The following PRRC1 variants were observed in gnomAD, a reference collection of about 807,000 sequenced individuals.
PRRC1 encodes proline rich coiled-coil 1.
Under a neutral mutation model 40.7 loss-of-function variants are expected in PRRC1, and 39 were observed. The observed-to-expected ratio is 0.96, with a 90% CI of 0.74 to 1.25. PRRC1 has a LOEUF of 1.25. PRRC1 is among the 50% of genes most tolerant of loss of function. PRRC1 has a pLI of 0.00. For missense variants in PRRC1, 573 were observed against 548.3 expected, an observed-to-expected ratio of 1.05 and a Z score of -0.45; for synonymous variants, 175 against 193.3, an observed-to-expected ratio of 0.91 and a Z score of 0.79.
intron 5 of PRRC1, 23 bp downstream of exon 5, chr5:127,530,419 T>C (rs756307271): frequency 6.4e-7 from 1 of 1,561,972 alleles, no homozygotes; most frequent in South Asian, 1.1e-5. Context: ...GTTAGACCGG[T>C]ATCTGCCATT....
At chr5:127,528,489 G>T (rs1371633958) in intron 4 of PRRC1, among the ~76,000 whole-genome samples, 1 of 151,838 alleles carries the variant, frequency 6.6e-6, no homozygotes, top group Non-Finnish European at 1.5e-5. Context: ...TAATTTTTTT[G>T]TATTTTTAGT....
rs1350505896 is a variant in PRRC1 at position 127,554,251 on chromosome 5, T to C, written c.*2335T>C. 1 of 164,516 alleles carries C rather than the reference T, an allele frequency of 6.1e-6. No homozygotes were observed. Among genetic ancestry groups the C allele is most frequent in the African/African-American group, 2.4e-5 (1 of 41,714 alleles). 10.2% of individuals were successfully genotyped at this position (164,516 alleles called of 1,614,324 possible). Reference sequence around the variant, plus strand: ...AGTGTTCTGTTCTCTTCCTGCCCATTTCCTTGAACCTCCTGCTCTAGCCTT... The same window carrying C: ...AGTGTTCTGTTCTCTTCCTGCCCATCTCCTTGAACCTCCTGCTCTAGCCTT... On this transcript the variant is annotated 3_prime_UTR_variant, in exon 9 of 9. Coordinates refer to ENST00000296666, the MANE Select transcript of PRRC1 (RefSeq NM_130809.5).
Position 127,555,016 on chromosome 5 carries a change from A to T in PRRC1, c.*3100A>T, listed in dbSNP as rs1580960312. ...TCATTTTATGATATTACGCAGGATG[A>T]TGTATTGAGTAAAATCAGTTTTGTA... On this transcript the variant is annotated 3_prime_UTR_variant, in exon 9 of 9. Transcript: ENST00000296666. 6.6e-6 allele frequency: 1 copy of T among 152,620 alleles called. No individual in the cohort carries two copies. Among genetic ancestry groups the T allele is most frequent in the African/African-American group, 2.4e-5 (1 of 41,458 alleles). The allele number at this position is 152,620 out of a possible 1,614,324, so 9.5% of individuals were successfully genotyped here. A position where few individuals can be genotyped will look rare whatever the true frequency, so the allele number is the denominator to read the frequency against.
chr5:127,548,231 T>G, intron 8 of PRRC1: 1 of 508,618 alleles, frequency 2.0e-6, no homozygotes, highest in Non-Finnish European at 3.5e-6. Flanking sequence ...TTGTTTTATG[T>G]CCGCCTTTCG....
chr5:127,534,140 TTAAAAATA>T (rs1177599044), intron 6 of PRRC1, among the ~76,000 whole-genome samples: 2 of 152,202 alleles, frequency 1.3e-5, no homozygotes, highest in Non-Finnish European at 2.9e-5. Flanking sequence ...TTGATAATGC[TTAAAAATA>T]TGTAAGTTCC....
At chr5:127,541,004 T>C (rs1768028819) in intron 7 of PRRC1, among the ~76,000 whole-genome samples, 2 of 152,142 alleles carry the variant, frequency 1.3e-5, no homozygotes, top group African/African-American at 4.8e-5. Context: ...ATATTGGCTG[T>C]GGGTTTGTCA....
Position 127,539,157 on chromosome 5 carries a change from G to C in PRRC1, c.1025+14G>C. On this transcript the variant is annotated intron_variant, in intron 7 of 8. Transcript: ENST00000296666. ...GCTGCCTGACAAGTAAGTGTATTAT[G>C]TTTCTCTTGGAAGCAAAATATAATT... 1.9e-6 allele frequency: 3 copies of C among 1,596,190 alleles called. No individual in the cohort carries two copies. The highest frequency in any genetic ancestry group is 2.6e-6 in the Non-Finnish European group (3 of 1,164,338).
chr5:127,546,733 A>G (rs902606236), intron 7 of PRRC1, among the ~76,000 whole-genome samples: 1 of 152,202 alleles, frequency 6.6e-6, no homozygotes, highest in African/African-American at 2.4e-5. Flanking sequence ...GTTATTCACC[A>G]TAGAGATTAT....
At chr5:127,530,577 T>A (rs1436964403) in intron 5 of PRRC1, among the ~76,000 whole-genome samples, 181 bp downstream of exon 5, 3 of 152,178 alleles carry the variant, frequency 2.0e-5, no homozygotes, top group African/African-American at 4.8e-5. Context: ...TCATCTTTTT[T>A]AAAAGTCATT....
intron 4 of PRRC1, among the ~76,000 whole-genome samples, chr5:127,527,090 T>C (rs60137966): frequency 0.02 from 3,051 of 152,344 alleles, 101 homozygotes; most frequent in African/African-American, 0.07. Flanking sequence ...TGGTTTCTCT[T>C]ATGGCTGCTT....
At chr5:127,551,628 C>A (rs1768384650) in intron 8 of PRRC1, 79 bp from the exon 9 acceptor site, 3 of 1,409,772 alleles carry the variant, frequency 2.1e-6, no homozygotes, top group African/African-American at 1.4e-5. Context: ...ACATGAAACA[C>A]TTTGAAATGT....
Position 127,552,102 on chromosome 5 carries a change from C to A in PRRC1, c.*186C>A. On this transcript the variant is annotated 3_prime_UTR_variant, in exon 9 of 9. Transcript: ENST00000296666. ...TTCCAGGAGACAAAAAGAAACAAAT[C>A]CTTTTTATAGTCATACCATTTCACC... is the stretch of plus-strand genomic sequence containing the variant. 7.1e-7 allele frequency: 1 copy of A among 1,411,924 alleles called. No individual in the cohort carries two copies. The highest frequency in any genetic ancestry group is 9.2e-7 in the Non-Finnish European group (1 of 1,085,914). 87.5% of individuals were successfully genotyped at this position (1,411,924 alleles called of 1,614,324 possible). A position where few individuals can be genotyped will look rare whatever the true frequency, so the allele number is the denominator to read the frequency against.
chr5:127,551,747 C>T lies in PRRC1; in HGVS notation c.1169C>T (p.Ser390Leu). The change falls in exon 9 of 9, where the codon TCA (serine) becomes TTA (leucine). Residue 390 changes from serine (S) to leucine (L), a missense_variant. Ser to Leu is a moderately radical substitution (Grantham distance 145). Coordinates refer to ENST00000296666, the MANE Select transcript of PRRC1 (RefSeq NM_130809.5). ...LTPQDYNLRW[S>L]GLLVTVGEVL... ...CCCCAGGACTATAATCTGAGGTGGT[C>T]AGGCCTTTTGGTGACAGTGGGTGAA... is the stretch of plus-strand genomic sequence containing the variant. The T allele has an allele frequency of 6.2e-7, 1 of 1,614,052 alleles. No individual in the cohort carries two copies. Among genetic ancestry groups the T allele is most frequent in the Non-Finnish European group, 8.5e-7 (1 of 1,179,988 alleles).
chr5:127,533,631 G>C lies in PRRC1; in HGVS notation c.766G>C (p.Gly256Arg), dbSNP rs1404452577. ...TCCTCTGGTCTTTTTAGAATCTGGA[G>C]GTGAACTGGATATTGTAGTGACCTC... The part of the protein sequence containing the change: ...PGMAPYIKSG[G>R]ELDIVVTSNK... Residue 256 changes from glycine to arginine, a missense_variant, in exon 6 of 9, where the codon GGT (glycine) becomes CGT (arginine). Physicochemically the swap from Gly to Arg is moderately radical, Grantham distance 125 (BLOSUM62 -2). Coordinates refer to ENST00000296666, the MANE Select transcript of PRRC1 (RefSeq NM_130809.5). 1.2e-6 allele frequency: 2 copies of C among 1,609,766 alleles called. No individual in the cohort carries two copies. The highest frequency in any genetic ancestry group is 2.7e-5 in the African/African-American group (2 of 74,620).
chr5:127,526,173 A>G (rs1171427253), intron 3 of PRRC1, among the ~76,000 whole-genome samples: 1 of 152,210 alleles, frequency 6.6e-6, no homozygotes, highest in Non-Finnish European at 1.5e-5. Flanking sequence ...TACAAATGAA[A>G]ATTATTGCAG....
At chr5:127,540,977 T>A (rs1279653719) in intron 7 of PRRC1, among the ~76,000 whole-genome samples, 1 of 152,216 alleles carries the variant, frequency 6.6e-6, no homozygotes, top group African/African-American at 2.4e-5. Flanking sequence ...GCTTCCAGTT[T>A]TTGCCCATTC....
At chr5:127,537,975 A>G (rs1008641934) in intron 6 of PRRC1, among the ~76,000 whole-genome samples, 6 of 151,784 alleles carry the variant, frequency 4.0e-5, no homozygotes, top group Non-Finnish European at 8.9e-5. Context: ...AGAAGCATTT[A>G]TTTTTTTCTT....
chr5:127,527,019 T>C (rs1338738969), intron 4 of PRRC1, among the ~76,000 whole-genome samples: 2 of 152,206 alleles, frequency 1.3e-5, no homozygotes, highest in African/African-American at 4.8e-5. Context: ...TTCTGGTCTT[T>C]ACTGAGCATA....
At position 127,551,943 on chromosome 5, in the gene PRRC1, C is replaced by CT. The variant is rs1221858918; in HGVS notation, c.*30dup. ...AGGAGACCTACCTGGGAGACTGAGA[C>CT]TTTCCCCCACTTTTAGCTTGATGTT... On this transcript the variant is annotated 3_prime_UTR_variant, in exon 9 of 9. Coordinates refer to ENST00000296666, the MANE Select transcript of PRRC1 (RefSeq NM_130809.5). 12 of 1,612,708 alleles carry CT rather than the reference C, an allele frequency of 7.4e-6. No homozygotes were observed. The highest frequency in any genetic ancestry group is 9.3e-6 in the Non-Finnish European group (11 of 1,179,154).
Sources: allele counts gnomAD v4.1 joint callset (sites outside exome capture counted in the v4.1 genomes callset), GRCh38; gene constraint gnomAD v4.1.1; transcripts MANE v1.5; gene names NCBI Gene and HGNC (gene_info 2026-07-23, HGNC 2026-07-21).